CDH23: variants seen among roughly 807,000 people sequenced by gnomAD.
CDH23 encodes the protein cadherin related 23, also known as cadherin-23.
CDH23 carries 189 observed loss-of-function variants against 317.1 expected under a neutral mutation model. That is an observed-to-expected ratio of 0.60 (90% CI 0.53 to 0.67). The LOEUF is 0.67. Among genes scored for constraint, CDH23 ranks in the 30% least tolerant of loss-of-function variants. The pLI, the probability that CDH23 is intolerant of heterozygous loss-of-function variation, is 0.00. For synonymous variants in CDH23, 1,839 were observed against 1,876.8 expected, an observed-to-expected ratio of 0.98 and a Z score of 0.52; for missense variants, 4,401 against 4,592.4, an observed-to-expected ratio of 0.96 and a Z score of 1.20.
chr10:71,619,360 T>C (rs978641692), intron 11 of CDH23, among the ~76,000 whole-genome samples: 6 of 151,136 alleles, frequency 4.0e-5, no homozygotes, highest in Non-Finnish European at 8.8e-5. Context: ...AATTTTTTAA[T>C]GTAGTAGTTT....
chr10:71,519,030 T>C (rs1203916252), intron 6 of CDH23, among the ~76,000 whole-genome samples: 2 of 152,202 alleles, frequency 1.3e-5, no homozygotes, highest in Non-Finnish European at 2.9e-5. Context: ...CCCCCTGTAA[T>C]TATTATTTTG....
chr10:71,685,985 G>A (rs1427969367), intron 18 of CDH23, among the ~76,000 whole-genome samples: 1 of 152,184 alleles, frequency 6.6e-6, no homozygotes, highest in Non-Finnish European at 1.5e-5. Context: ...TGGGGGTGGG[G>A]AGAGGCAGAT....
chr10:71,447,421 G>A (rs533599075), intron 3 of CDH23, among the ~76,000 whole-genome samples: 8 of 152,254 alleles, frequency 5.3e-5, no homozygotes, highest in African/African-American at 1.9e-4. Flanking sequence ...GCTGTCAGTG[G>A]GGGCCTGTGA....
chr10:71,706,937 C>G lies in CDH23; in HGVS notation c.2994C>G (p.Ala998=). 1 of 1,606,752 alleles carries G rather than the reference C, an allele frequency of 6.2e-7. No individual in the cohort carries two copies. ...VNDETPTFFP[A]VYNVSVSEDV... ...ACGAGACGCCCACCTTCTTCCCGGCCGTGTACAATGTGTCTGTGTCCGAGG... is the reference window on the plus strand; with the variant it reads ...ACGAGACGCCCACCTTCTTCCCGGCGGTGTACAATGTGTCTGTGTCCGAGG... The change falls in exon 26 of 70, where the codon GCC becomes GCG. Residue 998 remains alanine (A), a synonymous_variant. Coordinates refer to ENST00000224721, the MANE Select transcript of CDH23 (RefSeq NM_022124.6).
At chr10:71,643,155 T>TGGA (rs969282596) in intron 11 of CDH23, among the ~76,000 whole-genome samples, 149 of 152,218 alleles carry the variant, frequency 9.8e-4, no homozygotes, top group African/African-American at 3.3e-3. Flanking sequence ...GTGAAAAGAC[T>TGGA]GGACACAGAG....
Position 71,615,546 on chromosome 10 carries a change from T to A in CDH23, c.875T>A (p.Val292Glu). 6.2e-7 allele frequency: 1 copy of A among 1,613,364 alleles called. No homozygotes were observed. The highest frequency in any genetic ancestry group is 8.5e-7 in the Non-Finnish European group (1 of 1,179,804). The change falls in exon 10 of 70, where the codon GTG becomes GAG. Residue 292 changes from valine to glutamate, a missense_variant. Val to Glu is a moderately radical substitution (Grantham distance 121). Coordinates refer to ENST00000224721, the MANE Select transcript of CDH23 (RefSeq NM_022124.6). ...SIFALDYISG[V>E]LTLNGLLDRE... is the part of the protein sequence containing the mutation. ...TTTGCCCTGGACTACATCAGCGGAG[T>A]GCTGACCTTGAATGGCCTGCTGGAC...
At chr10:71,731,154 T>C (rs942864492) in intron 31 of CDH23, among the ~76,000 whole-genome samples, 10 of 152,140 alleles carry the variant, frequency 6.6e-5, no homozygotes, top group African/African-American at 1.9e-4. Context: ...AGGGGAAGCA[T>C]GCCGGGTCTC....
intron 14 of CDH23, among the ~76,000 whole-genome samples, chr10:71,661,481 G>A (rs1447238599): frequency 6.6e-6 from 1 of 152,138 alleles, no homozygotes; most frequent in African/African-American, 2.4e-5. Flanking sequence ...GGATGTTACT[G>A]TGCCCTCTCT....
intron 9 of CDH23, among the ~76,000 whole-genome samples, chr10:71,579,122 C>T (rs56011019): frequency 0.05 from 7,623 of 152,176 alleles, 592 homozygotes; most frequent in African/African-American, 0.17. Flanking sequence ...TGTAAAGTAC[C>T]ACGTAAGTGT....
At chr10:71,753,925 G>A in intron 38 of CDH23, 2 of 455,568 alleles carry the variant, frequency 4.4e-6, no homozygotes, top group South Asian at 3.1e-5. Context: ...CATCCTCTGT[G>A]CCACCCTTTG....
intron 3 of CDH23, among the ~76,000 whole-genome samples, chr10:71,478,761 C>A (rs1851918546): frequency 6.6e-6 from 1 of 152,160 alleles, no homozygotes; most frequent in African/African-American, 2.4e-5. Context: ...ATTAGTAACT[C>A]CAGTGGCTGT....
At chr10:71,812,265 T>A (rs1236870421) in intron 66 of CDH23, 1 of 1,599,476 alleles carries the variant, frequency 6.3e-7, no homozygotes, top group South Asian at 1.1e-5. Flanking sequence ...GGGTGAAGCC[T>A]CTGCACCAAA....
chr10:71,631,547 C>G (rs1360689657), intron 11 of CDH23, among the ~76,000 whole-genome samples: 1 of 152,218 alleles, frequency 6.6e-6, no homozygotes, highest in Non-Finnish European at 1.5e-5. Flanking sequence ...AATTAACACG[C>G]ATATCTTAGT....
chr10:71,761,995 C>A lies in CDH23; in HGVS notation c.4846-15685C>A, dbSNP rs377186250. 8 of 1,609,858 alleles carry A rather than the reference C, an allele frequency of 5.0e-6. No homozygotes were observed. In the African/African-American group the frequency reaches 9.3e-5, roughly 19 times the overall value. ...CCTCGGGACAGACATACAGGGAATA[C>A]GGCGTGGCGACCTTGAAGGCTGCCA... On this transcript the variant is annotated intron_variant, in intron 38 of 69. Transcript: ENST00000224721.
chr10:71,716,080 C>G, intron 28 of CDH23: 1 of 1,524,912 alleles, frequency 6.6e-7, no homozygotes, highest in Non-Finnish European at 8.8e-7. Context: ...AGAGCCGGAG[C>G]TGGGGCTCAC....
At chr10:71,635,647 G>A (rs1460267544) in intron 11 of CDH23, among the ~76,000 whole-genome samples, 2 of 151,762 alleles carry the variant, frequency 1.3e-5, no homozygotes, top group South Asian at 4.2e-4. Context: ...GGGGGAAGGA[G>A]GGAGTTGGAG....
chr10:71,813,356 GCT>G lies in CDH23; in HGVS notation c.9738+9_9738+10del, dbSNP rs1377441685. ...CACTCCTCCATCTCTGAGGTAGCCG[GCT>G]GGGTGGCTGGGAGCTGTGTGCTGTG... On this transcript the variant is annotated intron_variant, in intron 69 of 69. Transcript: ENST00000224721. The G allele has an allele frequency of 6.5e-6, 10 of 1,548,682 alleles. No homozygotes were observed. The highest frequency in any genetic ancestry group is 8.7e-6 in the Non-Finnish European group (10 of 1,144,658).
intron 37 of CDH23, 76 bp from the exon 38 acceptor site, chr10:71,741,618 G>A (rs1839734569): frequency 1.5e-6 from 2 of 1,305,564 alleles, no homozygotes; most frequent in East Asian, 2.5e-5. Context: ...GGGAGCCTTC[G>A]GGCTACAGGA....
At chr10:71,740,708 G>A (rs1263664782) in intron 36 of CDH23, 114 bp from the exon 37 acceptor site, 9 of 1,452,974 alleles carry the variant, frequency 6.2e-6, no homozygotes, top group Non-Finnish European at 8.4e-6. Context: ...TTCTCAGTGA[G>A]TCTCTTTGCC....
Sources: allele counts gnomAD v4.1 joint callset (sites outside exome capture counted in the v4.1 genomes callset), GRCh38; gene constraint gnomAD v4.1.1; transcripts MANE v1.5; gene names NCBI Gene and HGNC (gene_info 2026-07-23, HGNC 2026-07-21).